The following C8orf34 variants were observed in gnomAD, a reference collection of about 807,000 sequenced individuals.
C8orf34 encodes the protein chromosome 8 open reading frame 34.
In C8orf34, 65 loss-of-function variants were observed where a neutral mutation model predicts 68.3. The ratio of observed to expected loss-of-function variants is 0.95; its 90% CI spans 0.78 to 1.17. The LOEUF (loss-of-function observed/expected upper bound fraction) is 1.17, where lower values mean the gene tolerates loss of function less well. Among genes scored for constraint, C8orf34 ranks in the 50% most tolerant of loss-of-function variants. The pLI is 0.00. For synonymous variants in C8orf34, 244 were observed against 241.2 expected, an observed-to-expected ratio of 1.01 and a Z score of -0.11; for missense variants, 664 against 655.4, an observed-to-expected ratio of 1.01 and a Z score of -0.14.
intron 9 of C8orf34, among the ~76,000 whole-genome samples, chr8:68,716,162 G>A (rs893519706): frequency 3.3e-5 from 5 of 151,946 alleles, no homozygotes; most frequent in African/African-American, 4.8e-5. Flanking sequence ...TGCGGACTTG[G>A]GGGAAAGGGT....
chr8:68,608,121 GAA>G, intron 7 of C8orf34, among the ~76,000 whole-genome samples: 1 of 150,486 alleles, frequency 6.6e-6, no homozygotes, highest in East Asian at 2.0e-4. Context: ...ACCAAATGCA[GAA>G]AAAAAAACAA....
intron 7 of C8orf34, among the ~76,000 whole-genome samples, chr8:68,607,529 C>A (rs1300202032): frequency 6.6e-6 from 1 of 152,122 alleles, no homozygotes; most frequent in African/African-American, 2.4e-5. Context: ...TTTATCTTTA[C>A]TTTCTCAAAG....
Position 68,518,626 on chromosome 8 carries a change from G to A in C8orf34, c.766-3173G>A, listed in dbSNP as rs183575845. Among the ~76,000 whole-genome samples the A allele has an allele frequency of 2.1e-3, 320 of 152,164 alleles. 2 individuals are homozygous for A. Among genetic ancestry groups the A allele is most frequent in the Non-Finnish European group, 3.5e-3 (241 of 67,982 alleles). ...AGCCTTAAAATTTGTGGCCGGGTGC[G>A]GTGGTTCATGAATGTAATCCCAGCA... On this transcript the variant is annotated intron_variant, in intron 5 of 13. Transcript: ENST00000518698.
intron 1 of C8orf34, among the ~76,000 whole-genome samples, chr8:68,393,672 A>T (rs1242265140): frequency 6.6e-6 from 1 of 152,190 alleles, no homozygotes; most frequent in African/African-American, 2.4e-5. Context: ...CTGACAAGCG[A>T]TGAAATTAGA....
At chr8:68,589,695 A>G (rs1817320895) in intron 7 of C8orf34, among the ~76,000 whole-genome samples, 1 of 148,270 alleles carries the variant, frequency 6.7e-6, no homozygotes. Flanking sequence ...AGAAGAAAGA[A>G]CAAGGGAAAG....
intron 10 of C8orf34, among the ~76,000 whole-genome samples, chr8:68,724,250 A>T (rs1821763271): frequency 6.6e-6 from 1 of 152,210 alleles, no homozygotes; most frequent in African/African-American, 2.4e-5. Flanking sequence ...TTGTGATTTT[A>T]TCTAAATATT....
chr8:68,749,882 A>G (rs558527923), intron 10 of C8orf34, among the ~76,000 whole-genome samples: 93 of 152,276 alleles, frequency 6.1e-4, no homozygotes, highest in Non-Finnish European at 7.4e-4. Context: ...GAGTTGGTGG[A>G]CATTTGGATT....
intron 1 of C8orf34, among the ~76,000 whole-genome samples, chr8:68,359,115 T>C (rs1304276662): frequency 6.6e-6 from 1 of 152,206 alleles, no homozygotes; most frequent in South Asian, 2.1e-4. Flanking sequence ...GATAATGAAG[T>C]CATTAAAAAT....
intron 7 of C8orf34, among the ~76,000 whole-genome samples, chr8:68,577,992 T>C (rs1250274077): frequency 1.8e-4 from 27 of 151,840 alleles, no homozygotes; most frequent in Non-Finnish European, 1.0e-4. Context: ...GTATTTTCCA[T>C]TTCATTTTCC....
intron 8 of C8orf34, among the ~76,000 whole-genome samples, chr8:68,688,224 T>C (rs1820579648): frequency 6.6e-6 from 1 of 152,032 alleles, no homozygotes; most frequent in Non-Finnish European, 1.5e-5. Flanking sequence ...CTTAAATAAG[T>C]AAAAGCAGAT....
intron 10 of C8orf34, among the ~76,000 whole-genome samples, chr8:68,769,225 T>C (rs1823271272): frequency 6.6e-6 from 1 of 151,966 alleles, no homozygotes. Context: ...ATTATCCTTA[T>C]ATTTGATCTC....
At chr8:68,725,656 C>G (rs541193792) in intron 10 of C8orf34, among the ~76,000 whole-genome samples, 81 of 152,310 alleles carry the variant, frequency 5.3e-4, no homozygotes, top group African/African-American at 1.1e-3. Context: ...GTAGTGCTTA[C>G]TTAGCTTCAG....
chr8:68,494,491 A>G (rs1172370361), intron 5 of C8orf34, among the ~76,000 whole-genome samples: 1 of 152,192 alleles, frequency 6.6e-6, no homozygotes, highest in African/African-American at 2.4e-5. Context: ...TAAACTTAAC[A>G]TAGTTGAACT....
intron 12 of C8orf34, 101 bp downstream of exon 12, chr8:68,787,637 A>C (rs1388724157): frequency 1.5e-5 from 11 of 747,666 alleles, no homozygotes; most frequent in Non-Finnish European, 2.3e-5. Context: ...TCTGTAAAAA[A>C]AAAAAAATCC....
At chr8:68,636,128 A>G (rs552718307) in intron 7 of C8orf34, among the ~76,000 whole-genome samples, 79 of 152,246 alleles carry the variant, frequency 5.2e-4, no homozygotes, top group African/African-American at 1.8e-3. Context: ...ACTAGAAACT[A>G]TCTTATGCAA....
At chr8:68,425,793 C>T (rs1454308638) in intron 1 of C8orf34, among the ~76,000 whole-genome samples, 1 of 149,282 alleles carries the variant, frequency 6.7e-6, no homozygotes, top group African/African-American at 2.4e-5. Flanking sequence ...GATATGACTA[C>T]AGAAATCAAG....
chr8:68,688,592 C>T (rs907468975), intron 8 of C8orf34, among the ~76,000 whole-genome samples: 4 of 152,062 alleles, frequency 2.6e-5, no homozygotes, highest in East Asian at 1.9e-4. Flanking sequence ...CCCAAATGCT[C>T]GTTAATGATA....
chr8:68,644,583 C>T (rs1442868203), intron 8 of C8orf34, among the ~76,000 whole-genome samples: 1 of 152,172 alleles, frequency 6.6e-6, no homozygotes, highest in African/African-American at 2.4e-5. Flanking sequence ...TTCTAAACTC[C>T]TTCAGCTAGA....
chr8:68,594,943 A>G (rs971198455), intron 7 of C8orf34, among the ~76,000 whole-genome samples: 1 of 151,588 alleles, frequency 6.6e-6, no homozygotes, highest in Non-Finnish European at 1.5e-5. Context: ...ATTTATTTTT[A>G]CTTTATGGTA....
Sources: gnomAD v4.1 joint callset for allele counts (sites outside exome capture counted in the v4.1 genomes callset) on GRCh38, gnomAD v4.1.1 for gene constraint, MANE v1.5 for transcripts, NCBI Gene and HGNC (gene_info 2026-07-23, HGNC 2026-07-21) for gene names.